PRKRIP1: variants seen among roughly 807,000 people sequenced by gnomAD.
The protein encoded by PRKRIP1 is PRKR-interacting protein 1.
PRKRIP1 carries 29 observed loss-of-function variants against 29.3 expected under a neutral mutation model. The ratio of observed to expected loss-of-function variants is 0.99; its 90% CI spans 0.74 to 1.35. The LOEUF is 1.35. Among genes scored for constraint, PRKRIP1 ranks in the 40% most tolerant of loss-of-function variants. PRKRIP1 has a pLI of 0.00. For missense variants in PRKRIP1, 247 were observed against 236.8 expected, an observed-to-expected ratio of 1.04 and a Z score of -0.28; for synonymous variants, 90 against 85.1, an observed-to-expected ratio of 1.06 and a Z score of -0.32.
At chr7:102,401,806 G>A (rs561763827) in intron 3 of PRKRIP1, among the ~76,000 whole-genome samples, 28 of 152,330 alleles carry the variant, frequency 1.8e-4, no homozygotes, top group African/African-American at 6.0e-4. Flanking sequence ...GGGAGGCTGA[G>A]GCAGGAGAAT....
rs782066352 is a variant in PRKRIP1 at position 102,396,534 on chromosome 7, C to T, written c.123C>T (p.Asn41=). Residue 41 remains asparagine (N), a synonymous_variant, in exon 1 of 6, where the codon AAC becomes AAT. Coordinates refer to ENST00000397912, the MANE Select transcript of PRKRIP1 (RefSeq NM_024653.4). ...TCAAGCTGGAGCGGCTCATGAAGAACCCGGTGAGACGAGGCCCAGGCTCCA... is the reference window on the plus strand; with the variant it reads ...TCAAGCTGGAGCGGCTCATGAAGAATCCGGTGAGACGAGGCCCAGGCTCCA... ...QKLKLERLMK[N]PDKAVPIPEK... The T allele has an allele frequency of 3.2e-5, 52 of 1,607,306 alleles. No individual in the cohort carries two copies. In the Admixed American group the frequency reaches 8.3e-4, roughly 26 times the overall value.
chr7:102,408,969 T>A (rs1236135897), intron 5 of PRKRIP1, among the ~76,000 whole-genome samples: 2 of 152,026 alleles, frequency 1.3e-5, no homozygotes, highest in African/African-American at 4.8e-5. Flanking sequence ...AGGTCAAGAG[T>A]TCGAGACCAG....
chr7:102,421,604 C>G (rs1436594890), intron 5 of PRKRIP1, among the ~76,000 whole-genome samples: 1 of 152,094 alleles, frequency 6.6e-6, no homozygotes, highest in Non-Finnish European at 1.5e-5. Context: ...CAAGACCATC[C>G]TAGCTAACAC....
At chr7:102,408,108 T>C (rs1308070738) in intron 5 of PRKRIP1, among the ~76,000 whole-genome samples, 1 of 152,140 alleles carries the variant, frequency 6.6e-6, no homozygotes, top group Non-Finnish European at 1.5e-5. Context: ...CCCCCGCACG[T>C]TCCCTGGCCT....
chr7:102,415,703 T>C (rs1045718622), intron 5 of PRKRIP1, among the ~76,000 whole-genome samples: 1 of 152,232 alleles, frequency 6.6e-6, no homozygotes, highest in Non-Finnish European at 1.5e-5. Context: ...GTGGTGCTGT[T>C]ATCCCCATTT....
At chr7:102,413,620 T>C (rs1796454292) in intron 5 of PRKRIP1, among the ~76,000 whole-genome samples, 1 of 152,220 alleles carries the variant, frequency 6.6e-6, no homozygotes, top group South Asian at 2.1e-4. Flanking sequence ...ATATAAGTTA[T>C]CTGTAACCTG....
chr7:102,396,622 C>T (rs1795906123), intron 1 of PRKRIP1, 85 bp downstream of exon 1: 1 of 1,431,306 alleles, frequency 7.0e-7, no homozygotes, highest in Non-Finnish European at 9.5e-7. Flanking sequence ...GGTCCACCTT[C>T]CCCGCCTCCA....
At position 102,426,186 on chromosome 7, in the gene PRKRIP1, C is replaced by CT. The variant is rs1476288973; in HGVS notation, c.*1077dup. 1 of 152,876 alleles carries CT rather than the reference C, an allele frequency of 6.5e-6. No individual in the cohort carries two copies. Among genetic ancestry groups the CT allele is most frequent in the Non-Finnish European group, 1.5e-5 (1 of 68,500 alleles). The allele number at this position is 152,876 out of a possible 1,614,324, so 9.5% of individuals were successfully genotyped here. A position where few individuals can be genotyped will look rare whatever the true frequency, so the allele number is the denominator to read the frequency against. ...TCGGAAGGCCAAGGCAGGAGGACCG[C>CT]TTGAGTCCAGGGATTCAAGGCCAAC... On this transcript the variant is annotated 3_prime_UTR_variant, in exon 6 of 6. Transcript: ENST00000397912.
chr7:102,396,382 G>A lies in PRKRIP1; in HGVS notation c.-30G>A, dbSNP rs374348054. ...GTCGTCATACTTGCGCGCCGACGCC[G>A]CCGCTCGCTTGTGAAACTGGAAGGC... On this transcript the variant is annotated 5_prime_UTR_variant, in exon 1 of 6. Transcript: ENST00000397912. 366 of 1,504,104 alleles carry A rather than the reference G, an allele frequency of 2.4e-4. No individual in the cohort carries two copies. Among genetic ancestry groups the A allele is most frequent in the Admixed American group, 4.1e-4 (16 of 39,454 alleles). 93.2% of individuals were successfully genotyped at this position (1,504,104 alleles called of 1,614,324 possible).
intron 5 of PRKRIP1, among the ~76,000 whole-genome samples, chr7:102,414,507 A>T (rs1185047242): frequency 6.6e-6 from 1 of 152,206 alleles, no homozygotes; most frequent in African/African-American, 2.4e-5. Flanking sequence ...TCCTTTTATG[A>T]AACAGTAGAT....
intron 5 of PRKRIP1, among the ~76,000 whole-genome samples, chr7:102,424,585 G>A (rs902316968): frequency 7.9e-5 from 12 of 152,252 alleles, no homozygotes; most frequent in African/African-American, 2.9e-4. Flanking sequence ...GTGGGGGGCA[G>A]AGCCCTCTGC....
At chr7:102,421,447 C>T (rs905652928) in intron 5 of PRKRIP1, among the ~76,000 whole-genome samples, 2 of 151,436 alleles carry the variant, frequency 1.3e-5, no homozygotes, top group Non-Finnish European at 2.9e-5. Context: ...CAGGAGGCTA[C>T]GGTGAGCCGT....
At chr7:102,412,965 A>G (rs1277661665) in intron 5 of PRKRIP1, among the ~76,000 whole-genome samples, 1 of 152,210 alleles carries the variant, frequency 6.6e-6, no homozygotes, top group African/African-American at 2.4e-5. Flanking sequence ...GTATTCCCAC[A>G]CCACTCTTAC....
At chr7:102,422,579 T>C (rs1364176614) in intron 5 of PRKRIP1, among the ~76,000 whole-genome samples, 1 of 151,582 alleles carries the variant, frequency 6.6e-6, no homozygotes, top group East Asian at 1.9e-4. Context: ...TGACCTCAGG[T>C]GATTCACCGG....
At chr7:102,408,145 C>T (rs1554572086) in intron 5 of PRKRIP1, among the ~76,000 whole-genome samples, 1 of 152,122 alleles carries the variant, frequency 6.6e-6, no homozygotes, top group African/African-American at 2.4e-5. Flanking sequence ...AGGTGGCTCC[C>T]ATGGCTTCTG....
intron 5 of PRKRIP1, among the ~76,000 whole-genome samples, chr7:102,421,250 A>G (rs540831031): frequency 6.6e-6 from 1 of 152,338 alleles, no homozygotes; most frequent in African/African-American, 2.4e-5. Flanking sequence ...TTGGTGAAAA[A>G]TTGAAAAATG....
intron 5 of PRKRIP1, among the ~76,000 whole-genome samples, chr7:102,413,282 C>G (rs1447390579): frequency 1.3e-5 from 2 of 152,182 alleles, no homozygotes; most frequent in Admixed American, 6.5e-5. Context: ...AGCTCCTGAT[C>G]TAGGGGCAGG....
chr7:102,419,218 A>G (rs1165409005), intron 5 of PRKRIP1, among the ~76,000 whole-genome samples: 1 of 152,054 alleles, frequency 6.6e-6, no homozygotes, highest in African/African-American at 2.4e-5. Context: ...GTTCAAGACC[A>G]GCCTGGCCAA....
rs1192197976 is a variant in PRKRIP1, at chr7:102,425,259, T to C, written c.*148T>C. On this transcript the variant is annotated 3_prime_UTR_variant, in exon 6 of 6. Coordinates refer to ENST00000397912, the MANE Select transcript of PRKRIP1 (RefSeq NM_024653.4). ...ACCCCTCCCGAGCCGCTCACAGTCC[T>C]GTATTTGGCAGGTTTGGGAGCCTGA... 1.3e-6 allele frequency: 2 copies of C among 1,488,184 alleles called. No homozygotes were observed. Among genetic ancestry groups the C allele is most frequent in the East Asian group, 2.5e-5 (1 of 39,704 alleles). The allele number at this position is 1,488,184 out of a possible 1,614,324, so 92.2% of individuals were successfully genotyped here.
Sources: gnomAD v4.1 joint callset for allele counts (sites outside exome capture counted in the v4.1 genomes callset) on GRCh38, gnomAD v4.1.1 for gene constraint, MANE v1.5 for transcripts, NCBI Gene and HGNC (gene_info 2026-07-23, HGNC 2026-07-21) for gene names.